DLG2: variants seen among roughly 807,000 people sequenced by gnomAD.
DLG2 encodes discs large MAGUK scaffold protein 2.
Under a neutral mutation model 132.5 loss-of-function variants are expected in DLG2, and 45 were observed. That is an observed-to-expected ratio of 0.34 (90% confidence interval 0.27 to 0.44). The LOEUF (loss-of-function observed/expected upper bound fraction) is 0.44, where lower values mean the gene tolerates loss of function less well. Ranked by LOEUF, DLG2 falls within the 20% of genes least tolerant of loss-of-function variation. The pLI is 1.00. For synonymous variants in DLG2, 424 were observed against 419.6 expected (o/e 1.01, Z -0.13); for missense variants, 1,045 against 1,196.9 (o/e 0.87, Z 1.87).
chr11:84,843,773 A>G (rs140974887), intron 6 of DLG2, among the ~76,000 whole-genome samples: 84 of 151,908 alleles, frequency 5.5e-4, no homozygotes, highest in African/African-American at 2.0e-3. Flanking sequence ...TACATGTTCA[A>G]TACGGACACA....
rs542476924 is a variant in DLG2, at chr11:84,243,017, C to CTCTATA, written c.573+8220_573+8221insTATAGA. On this transcript the variant is annotated intron_variant, in intron 8 of 27. Transcript: ENST00000376104. ...GTTCTCTCTCTCTCTCTCTCTCTCT[C>CTCTATA]TATATATATATATATATATATACAC... Among the ~76,000 whole-genome samples, 301 of 142,188 alleles carry CTCTATA rather than the reference C, an allele frequency of 2.1e-3. 1 individual carries two copies. The highest frequency in any genetic ancestry group is 7.6e-3 in the Middle Eastern group (2 of 262). 93.3% of individuals were successfully genotyped at this position (142,188 alleles called of 152,430 possible). A position where few individuals can be genotyped will look rare whatever the true frequency, so the allele number is the denominator to read the frequency against.
At chr11:84,730,149 G>T (rs971734914) in intron 6 of DLG2, among the ~76,000 whole-genome samples, 3 of 151,936 alleles carry the variant, frequency 2.0e-5, no homozygotes, top group African/African-American at 7.3e-5. Flanking sequence ...CACCAAATTT[G>T]ATGTCAATGT....
At chr11:85,164,882 T>C (rs536440264) in intron 4 of DLG2, among the ~76,000 whole-genome samples, 88 of 152,280 alleles carry the variant, frequency 5.8e-4, no homozygotes, top group African/African-American at 1.9e-3. Context: ...CTGAGCCACT[T>C]TCTTACTGCC....
At chr11:85,182,508 T>G (rs2079782315) in intron 4 of DLG2, among the ~76,000 whole-genome samples, 1 of 151,852 alleles carries the variant, frequency 6.6e-6, no homozygotes, top group Non-Finnish European at 1.5e-5. Flanking sequence ...ACAAACTGCT[T>G]TTTAAAAAGC....
chr11:85,393,643 G>GTT (rs1197015441), intron 3 of DLG2, among the ~76,000 whole-genome samples: 1 of 151,526 alleles, frequency 6.6e-6, no homozygotes, highest in Non-Finnish European at 1.5e-5. Flanking sequence ...GTGTGTGTGT[G>GTT]TGTGTGTGTG....
chr11:85,172,839 T>C (rs1027831268), intron 4 of DLG2, among the ~76,000 whole-genome samples: 8 of 151,942 alleles, frequency 5.3e-5, no homozygotes, highest in African/African-American at 1.7e-4. Context: ...CAAGTATCAA[T>C]AGCAGCATAG....
At chr11:85,468,799 G>T (rs749594896) in intron 3 of DLG2, among the ~76,000 whole-genome samples, 1 of 152,146 alleles carries the variant, frequency 6.6e-6, no homozygotes, top group Non-Finnish European at 1.5e-5. Flanking sequence ...TTGATTTGGG[G>T]TGCAGAGTTC....
rs565973724 is a variant in DLG2 at position 83,923,744 on chromosome 11, GTTC to G, written c.1496+6581_1496+6583del. The stretch of plus-strand genomic sequence containing the variant: ...TCCCTATCTCGATAGTCTCAGTTCA[GTTC>G]TTCATTATTTCAACCCTGCTCTATA... On this transcript the variant is annotated intron_variant, in intron 15 of 27. Coordinates refer to ENST00000376104, the MANE Select transcript of DLG2 (RefSeq NM_001142699.3). 1.3e-3 allele frequency among the ~76,000 whole-genome samples: 203 copies of G among 152,178 alleles called. 1 individual carries two copies. Among genetic ancestry groups the G allele is most frequent in the African/African-American group, 4.6e-3 (192 of 41,530 alleles).
chr11:83,861,745 G>A lies in DLG2; in HGVS notation c.1565+12675C>T, dbSNP rs374346151. Among the ~76,000 whole-genome samples, 18 of 152,248 alleles carry A rather than the reference G, an allele frequency of 1.2e-4. No homozygotes were observed. In the East Asian group the frequency reaches 2.1e-3, roughly 18 times the overall value. On this transcript the variant is annotated intron_variant, in intron 16 of 27. Coordinates refer to ENST00000376104, the MANE Select transcript of DLG2 (RefSeq NM_001142699.3). ...GGAAAGGTAGTGGTGGGAGGTAGGTGGGGGGAAGGTGGGATGGTTAATGGG... is the reference window on the plus strand; with the variant it reads ...GGAAAGGTAGTGGTGGGAGGTAGGTAGGGGGAAGGTGGGATGGTTAATGGG...
intron 8 of DLG2, among the ~76,000 whole-genome samples, chr11:84,165,432 A>G (rs1204960600): frequency 2.0e-5 from 3 of 152,170 alleles, no homozygotes; most frequent in African/African-American, 7.2e-5. Flanking sequence ...GCATATCCTA[A>G]TTGGTATTCC....
chr11:84,366,405 C>T (rs1458121854), intron 7 of DLG2, among the ~76,000 whole-genome samples: 8 of 151,762 alleles, frequency 5.3e-5, no homozygotes, highest in East Asian at 1.9e-4. Flanking sequence ...ACTGCATCAA[C>T]TAACGAGCAA....
chr11:84,621,590 G>T (rs2099614065), intron 6 of DLG2, among the ~76,000 whole-genome samples: 2 of 152,150 alleles, frequency 1.3e-5, no homozygotes, highest in African/African-American at 4.8e-5. Context: ...AACTTGCTAA[G>T]AGGTCACCAA....
intron 6 of DLG2, among the ~76,000 whole-genome samples, chr11:84,780,708 T>C (rs2071597502): frequency 6.6e-6 from 1 of 152,086 alleles, no homozygotes; most frequent in African/African-American, 2.4e-5. Flanking sequence ...TTCTCTTACA[T>C]TGAATTGAAA....
chr11:84,675,707 T>C (rs1362364537), intron 6 of DLG2, among the ~76,000 whole-genome samples: 1 of 152,098 alleles, frequency 6.6e-6, no homozygotes, highest in Non-Finnish European at 1.5e-5. Flanking sequence ...GACGGTATTT[T>C]AGCCTTCCTT....
chr11:85,198,033 C>T (rs1193151952), intron 4 of DLG2, among the ~76,000 whole-genome samples: 1 of 152,032 alleles, frequency 6.6e-6, no homozygotes, highest in African/African-American at 2.4e-5. Flanking sequence ...AGACGAACGA[C>T]ATGCATTCTT....
chr11:83,713,944 A>G (rs2086085432), intron 18 of DLG2, among the ~76,000 whole-genome samples: 1 of 152,194 alleles, frequency 6.6e-6, no homozygotes, highest in East Asian at 1.9e-4. Flanking sequence ...TAGGTGGATG[A>G]TTCATCTCTA....
At chr11:84,762,500 G>T (rs910973412) in intron 6 of DLG2, among the ~76,000 whole-genome samples, 1 of 152,196 alleles carries the variant, frequency 6.6e-6, no homozygotes, top group Non-Finnish European at 1.5e-5. Flanking sequence ...GGTCAGGTCA[G>T]AGGGAGATAA....
chr11:83,716,543 G>A (rs117792962), intron 18 of DLG2, among the ~76,000 whole-genome samples: 6,184 of 152,246 alleles, frequency 0.041, 173 homozygotes, highest in Middle Eastern at 0.092. Context: ...TATGCTCGGG[G>A]ATATACAAAC....
chr11:85,345,190 T>C (rs1408834817), intron 3 of DLG2, among the ~76,000 whole-genome samples: 2 of 152,224 alleles, frequency 1.3e-5, no homozygotes, highest in Middle Eastern at 3.4e-3. Flanking sequence ...TCATACTAAA[T>C]ATTGCCAAAA....
Sources: allele counts gnomAD v4.1 joint callset (sites outside exome capture counted in the v4.1 genomes callset), GRCh38; gene constraint gnomAD v4.1.1; transcripts MANE v1.5; gene names NCBI Gene and HGNC (gene_info 2026-07-23, HGNC 2026-07-21).